LRRC9: variants seen among roughly 807,000 people sequenced by gnomAD.
LRRC9 encodes leucine rich repeat containing 9.
LRRC9 carries 122 observed loss-of-function variants against 63.2 expected under a neutral mutation model. That is an observed-to-expected ratio of 1.93 (90% CI 1.67 to 2.24). The LOEUF is 2.24. Ranked by LOEUF, LRRC9 falls within the 30% of genes most tolerant of loss-of-function variation. The probability of loss-of-function intolerance (pLI) is 0.00; values close to 1 mark genes in which losing one functional copy is unlikely to be tolerated. For synonymous variants in LRRC9, 366 were observed against 213.1 expected, an observed-to-expected ratio of 1.72 and a Z score of -6.25; for missense variants, 1,071 against 627.7, an observed-to-expected ratio of 1.71 and a Z score of -7.55.
intron 27 of LRRC9, among the ~76,000 whole-genome samples, chr14:60,025,669 A>G (rs539180824): frequency 6.8e-6 from 1 of 147,786 alleles, no homozygotes; most frequent in African/African-American, 2.6e-5. Context: ...GGATTGTTAC[A>G]TATATTTTAC....
Position 59,922,761 on chromosome 14 carries a change from G to C in LRRC9, c.-34+2878G>C, listed in dbSNP as rs920480887. Among the ~76,000 whole-genome samples, 1 of 152,146 alleles carries C rather than the reference G, an allele frequency of 6.6e-6. No homozygotes were observed. The highest frequency in any genetic ancestry group is 1.5e-5 in the Non-Finnish European group (1 of 68,026). ...CTGAGAGAGAGACCTTGAAAAGAGT[G>C]GTGAAAGTTTAGAATAGTAATGTCA... On this transcript the variant is annotated intron_variant, in intron 1 of 31. Transcript: ENST00000445360. The surrounding 1 kb of genome is among the most constrained non-coding windows in gnomAD (Gnocchi z 5.3).
intron 29 of LRRC9, among the ~76,000 whole-genome samples, chr14:60,047,707 A>T (rs1364503197): frequency 6.6e-6 from 1 of 152,198 alleles, no homozygotes; most frequent in Non-Finnish European, 1.5e-5. Flanking sequence ...GAAGATTTTA[A>T]CACTCCACTG....
intron 29 of LRRC9, among the ~76,000 whole-genome samples, chr14:60,044,950 T>C (rs1161230226): frequency 2.0e-5 from 3 of 152,210 alleles, no homozygotes; most frequent in Non-Finnish European, 4.4e-5. Context: ...ATGTTTGTTT[T>C]ATATATTTTG....
chr14:60,018,615 T>TTAC (rs1890881839), intron 25 of LRRC9, 136 bp downstream of exon 25: 3 of 500,440 alleles, frequency 6.0e-6, no homozygotes, highest in East Asian at 6.3e-5. Context: ...TTTTTGTTTT[T>TTAC]TACTAAGCAA....
chr14:60,047,328 T>TA (rs1446747307), intron 29 of LRRC9, among the ~76,000 whole-genome samples: 2 of 152,108 alleles, frequency 1.3e-5, no homozygotes, highest in African/African-American at 2.4e-5. Context: ...TGAAGGAGGA[T>TA]AGAGACATGA....
chr14:60,052,508 G>T (rs1320131678), intron 29 of LRRC9, among the ~76,000 whole-genome samples: 1 of 152,168 alleles, frequency 6.6e-6, no homozygotes, highest in Non-Finnish European at 1.5e-5. Context: ...CGTATTAGCA[G>T]TCTAGGCACA....
chr14:59,958,241 C>T lies in LRRC9; in HGVS notation c.883-1577C>T, dbSNP rs1428771881. On this transcript the variant is annotated intron_variant, in intron 8 of 31. Coordinates refer to ENST00000445360, the Ensembl canonical transcript of LRRC9. This position sits in a 1 kb window ranked among gnomAD's most constrained non-coding sequence, Gnocchi z 4.0. Reference sequence around the variant, plus strand: ...CGATTAAATCTGCTGCAGCTGTGCCCACAGCCACCCCTTCCACCAGGTGCT... The same window carrying T: ...CGATTAAATCTGCTGCAGCTGTGCCTACAGCCACCCCTTCCACCAGGTGCT... Among the ~76,000 whole-genome samples, 7 of 152,310 alleles carry T rather than the reference C, an allele frequency of 4.6e-5. No individual in the cohort carries two copies. Among genetic ancestry groups the T allele is most frequent in the Middle Eastern group, 3.4e-3 (1 of 294 alleles).
intron 30 of LRRC9, chr14:60,057,653 G>GAAAAAAAAAAA (rs34584505): frequency 4.6e-6 from 1 of 219,044 alleles, no homozygotes. Context: ...AATGCAGTCT[G>GAAAAAAAAAAA]AAAAAAAAAA....
rs1889581160 is a variant in LRRC9 at position 59,930,221 on chromosome 14, T to G, written c.268-697T>G. 1.3e-5 allele frequency among the ~76,000 whole-genome samples: 2 copies of G among 152,018 alleles called. No homozygotes were observed. The highest frequency in any genetic ancestry group is 6.6e-5 in the Admixed American group (1 of 15,230). On this transcript the variant is annotated intron_variant, in intron 3 of 31. Transcript: ENST00000445360. This position sits in a 1 kb window ranked among gnomAD's most constrained non-coding sequence, Gnocchi z 4.9. Reference sequence around the variant, plus strand: ...TCCACTTAGACACTATTGGCTGTGTTGAAATTATAACATCTATTTTGAAAA... The same window carrying G: ...TCCACTTAGACACTATTGGCTGTGTGGAAATTATAACATCTATTTTGAAAA...
intron 17 of LRRC9, among the ~76,000 whole-genome samples, chr14:59,992,878 ACT>A (rs1402504832): frequency 2.0e-5 from 3 of 152,242 alleles, no homozygotes; most frequent in Admixed American, 6.5e-5. Context: ...GTTGGAAAAC[ACT>A]CTGCAGGATA....
At chr14:60,050,324 A>G (rs576244521) in intron 29 of LRRC9, among the ~76,000 whole-genome samples, 3 of 152,158 alleles carry the variant, frequency 2.0e-5, no homozygotes, top group East Asian at 3.9e-4. Context: ...ATAGCCTTCA[A>G]CCTCTGAGAT....
At chr14:59,941,903 T>C (rs1277099853) in intron 7 of LRRC9, among the ~76,000 whole-genome samples, 1 of 152,176 alleles carries the variant, frequency 6.6e-6, no homozygotes, top group African/African-American at 2.4e-5. Context: ...GAATTTATTC[T>C]TCCTATCTAG....
At position 59,932,825 on chromosome 14, in the gene LRRC9, C is replaced by T. The variant is rs116161076; in HGVS notation, c.543+786C>T. 1.0e-2 allele frequency among the ~76,000 whole-genome samples: 1,522 copies of T among 152,268 alleles called. 23 individuals carry two copies. Among genetic ancestry groups the T allele is most frequent in the African/African-American group, 0.035 (1,440 of 41,564 alleles). On this transcript the variant is annotated intron_variant, in intron 6 of 31. Transcript: ENST00000445360. This position sits in a 1 kb window ranked among gnomAD's most constrained non-coding sequence, Gnocchi z 4.7. Reference sequence around the variant, plus strand: ...TTCCCTACTATAGATCTGTTCTCCACACAGAAGCCTGATGGAACCTTTAAA... The same window carrying T: ...TTCCCTACTATAGATCTGTTCTCCATACAGAAGCCTGATGGAACCTTTAAA...
At chr14:59,935,257 G>C (rs1172152073) in intron 6 of LRRC9, among the ~76,000 whole-genome samples, 6 of 150,040 alleles carry the variant, frequency 4.0e-5, no homozygotes, top group Non-Finnish European at 4.4e-5. Context: ...TTGCACCACT[G>C]CACTACAGCC....
At chr14:60,024,486 A>AT (rs1014677590) in intron 27 of LRRC9, among the ~76,000 whole-genome samples, 5 of 152,070 alleles carry the variant, frequency 3.3e-5, no homozygotes, top group African/African-American at 1.2e-4. Context: ...AGGTATATCC[A>AT]TCAGTGGGAC....
intron 18 of LRRC9, 89 bp from the exon 19 acceptor site, chr14:59,999,012 G>T: frequency 1.9e-6 from 1 of 522,412 alleles, no homozygotes; most frequent in East Asian, 3.0e-5. Context: ...GTATGATTTT[G>T]AATTATATGG....
rs1302629149 is a variant in LRRC9 at position 59,986,547 on chromosome 14, G to A, written c.2211+1323G>A. On this transcript the variant is annotated intron_variant, in intron 17 of 31. Coordinates refer to ENST00000445360, the Ensembl canonical transcript of LRRC9. The surrounding 1 kb of genome is among the most constrained non-coding windows in gnomAD (Gnocchi z 4.7). ...ATTCAGTATGCAACTGAGGGAAAAA[G>A]GTATTTTAGAAGAGGTCTCAGGACT... Among the ~76,000 whole-genome samples the A allele has an allele frequency of 6.6e-6, 1 of 152,096 alleles. No homozygotes were observed. Among genetic ancestry groups the A allele is most frequent in the Non-Finnish European group, 1.5e-5 (1 of 68,002 alleles).
chr14:59,976,571 T>A (rs781578164), intron 13 of LRRC9, among the ~76,000 whole-genome samples: 1 of 152,204 alleles, frequency 6.6e-6, no homozygotes, highest in Non-Finnish European at 1.5e-5. Context: ...AAAAAACCTT[T>A]TATTCTTTAT....
chr14:60,055,284 T>C (rs775138515), intron 30 of LRRC9, among the ~76,000 whole-genome samples: 11 of 152,252 alleles, frequency 7.2e-5, no homozygotes, highest in Non-Finnish European at 1.5e-4. Context: ...ATTTAGCCAT[T>C]GATCTATATG....
Sources: allele counts gnomAD v4.1 joint callset (sites outside exome capture counted in the v4.1 genomes callset), GRCh38; gene constraint gnomAD v4.1.1; non-coding constraint Gnocchi (gnomAD v3.1); transcripts MANE v1.5; gene names NCBI Gene and HGNC (gene_info 2026-07-23, HGNC 2026-07-21).